ANKRD44: variants seen among roughly 807,000 people sequenced by gnomAD.
ANKRD44 encodes the protein serine/threonine-protein phosphatase 6 regulatory ankyrin repeat subunit B.
Under a neutral mutation model 116.0 loss-of-function variants are expected in ANKRD44, and 35 were observed. That is an observed-to-expected ratio of 0.30 (90% CI 0.23 to 0.40). The LOEUF (loss-of-function observed/expected upper bound fraction) is 0.40, where lower values mean the gene tolerates loss of function less well. ANKRD44 is among the 10% of genes least tolerant of loss of function. The probability of loss-of-function intolerance (pLI) is 1.00; values close to 1 mark genes in which losing one functional copy is unlikely to be tolerated. For synonymous variants in ANKRD44, 435 were observed against 461.8 expected, an observed-to-expected ratio of 0.94 and a Z score of 0.74; for missense variants, 1,014 against 1,242.6, an observed-to-expected ratio of 0.82 and a Z score of 2.77.
At chr2:197,246,350 C>CTTTGTT (rs2082190858) in intron 1 of ANKRD44, among the ~76,000 whole-genome samples, 2 of 65,876 alleles carry the variant, frequency 3.0e-5, no homozygotes, top group South Asian at 1.5e-3. Context: ...CTACATCTGG[C>CTTTGTT]TTTTTTTTTT....
intron 21 of ANKRD44, among the ~76,000 whole-genome samples, chr2:197,002,778 T>C (rs2076136344): frequency 6.6e-6 from 1 of 152,184 alleles, no homozygotes; most frequent in Admixed American, 6.5e-5. Flanking sequence ...TGGTTCTCAA[T>C]TCTAATGTGG....
intron 4 of ANKRD44, among the ~76,000 whole-genome samples, chr2:197,131,316 C>T (rs1189489832): frequency 3.3e-5 from 5 of 151,544 alleles, no homozygotes; most frequent in Non-Finnish European, 7.4e-5. Context: ...CTCAGCCTCC[C>T]GAGTAGCTGG....
chr2:197,278,423 C>G (rs1281047066), intron 1 of ANKRD44, among the ~76,000 whole-genome samples: 1 of 151,414 alleles, frequency 6.6e-6, no homozygotes, highest in Non-Finnish European at 1.5e-5. Context: ...GTGGTGTGAT[C>G]TCGGCTCACT....
intron 1 of ANKRD44, among the ~76,000 whole-genome samples, chr2:197,274,393 G>T (rs2083013382): frequency 6.6e-6 from 1 of 152,210 alleles, no homozygotes; most frequent in Non-Finnish European, 1.5e-5. Flanking sequence ...CAGCTGTGCA[G>T]AGTGTGGTCA....
chr2:197,278,516 C>T (rs529924989), intron 1 of ANKRD44, among the ~76,000 whole-genome samples: 21 of 152,168 alleles, frequency 1.4e-4, no homozygotes, highest in African/African-American at 5.1e-4. Flanking sequence ...ACCACCACGC[C>T]CGGTTAATTT....
intron 25 of ANKRD44, 95 bp downstream of exon 25, chr2:196,998,242 A>G: frequency 1.1e-6 from 1 of 893,378 alleles, no homozygotes; most frequent in Non-Finnish European, 1.7e-6. Context: ...CTTAATTAAG[A>G]GCCATGCTAC....
At chr2:197,122,055 T>C (rs1382345985) in intron 7 of ANKRD44, among the ~76,000 whole-genome samples, 2 of 152,144 alleles carry the variant, frequency 1.3e-5, no homozygotes, top group Admixed American at 6.5e-5. Context: ...TGCATTTTAG[T>C]AGCAGAGCAG....
intron 17 of ANKRD44, among the ~76,000 whole-genome samples, chr2:197,014,152 T>C (rs1027339584): frequency 1.3e-5 from 2 of 152,194 alleles, no homozygotes; most frequent in African/African-American, 4.8e-5. Context: ...ACTAAAAACA[T>C]TGTGGACTTT....
At chr2:197,014,083 G>A (rs2076345257) in intron 17 of ANKRD44, among the ~76,000 whole-genome samples, 1 of 152,050 alleles carries the variant, frequency 6.6e-6, no homozygotes, top group Non-Finnish European at 1.5e-5. Flanking sequence ...TAAACATATT[G>A]GCATAATCAG....
At chr2:196,985,316 G>A (rs1356632113), downstream of ANKRD44, among the ~76,000 whole-genome samples, 1 of 152,226 alleles carries the variant, frequency 6.6e-6, no homozygotes, top group African/African-American at 2.4e-5. Context: ...TGTGGGTTAG[G>A]AAACATTTGT....
chr2:197,029,153 T>C (rs933607269), intron 16 of ANKRD44: 31 of 187,346 alleles, frequency 1.7e-4, no homozygotes, highest in Middle Eastern at 2.0e-3. Flanking sequence ...CAACAGGCCC[T>C]GGTGTGTGAT....
At chr2:197,194,551 T>C (rs901289505) in intron 1 of ANKRD44, among the ~76,000 whole-genome samples, 6 of 152,208 alleles carry the variant, frequency 3.9e-5, no homozygotes, top group Admixed American at 2.6e-4. Flanking sequence ...TTCTCGCAGC[T>C]TGGTACTTTC....
In ANKRD44 at chr2:196,999,037, C is replaced by T. The variant is rs371300474; in HGVS notation, c.2535G>A (p.Ala845=). 19 of 1,613,784 alleles carry T rather than the reference C, an allele frequency of 1.2e-5. No homozygotes were observed. Among genetic ancestry groups the T allele is most frequent in the African/African-American group, 1.1e-4 (8 of 74,910 alleles). The change falls in exon 24 of 28, where the codon GCG becomes GCA. Residue 845 remains alanine (A), a synonymous_variant. Transcript: ENST00000282272. ...ACTCCACATGATCAGCAAATGCTGC[C>T]GCATGAAGGGGTGTCCTAAAGATTT... The part of the protein sequence containing the change: ...RDDKGRTPLH[A]AAFADHVECL...
chr2:197,018,295 C>A (rs990965408), intron 17 of ANKRD44, among the ~76,000 whole-genome samples: 2 of 152,134 alleles, frequency 1.3e-5, no homozygotes, highest in African/African-American at 4.8e-5. Flanking sequence ...ACCAATCAGG[C>A]CCCCAGAATC....
intron 23 of ANKRD44, among the ~76,000 whole-genome samples, chr2:196,999,282 A>G (rs1469215828): frequency 6.6e-6 from 1 of 152,182 alleles, no homozygotes; most frequent in East Asian, 1.9e-4. Flanking sequence ...TGGCCCTGAT[A>G]ATGAAATTAG....
At position 197,273,998 on chromosome 2, in the gene ANKRD44, T is replaced by TCTATATAG. The variant is rs1559208525; in HGVS notation, c.27+36579_27+36580insCTATATAG. On this transcript the variant is annotated intron_variant, in intron 1 of 27. Coordinates refer to ENST00000282272, the MANE Select transcript of ANKRD44 (RefSeq NM_001195144.2). Reference sequence around the variant, plus strand: ...AAAAAAAAATATATATATATATATATATATATATATATATATATATATATA... The same window carrying TCTATATAG: ...AAAAAAAAATATATATATATATATATCTATATAGATATATATATATATATATATATATA... Among the ~76,000 whole-genome samples the TCTATATAG allele has an allele frequency of 2.9e-4, 7 of 24,278 alleles. 1 individual carries two copies. Among genetic ancestry groups the TCTATATAG allele is most frequent in the African/African-American group, 1.2e-3 (7 of 5,784 alleles). The allele number at this position is 24,278 out of a possible 152,430, so 15.9% of individuals were successfully genotyped here.
At chr2:197,231,707 A>G (rs2081868293) in intron 1 of ANKRD44, among the ~76,000 whole-genome samples, 1 of 151,894 alleles carries the variant, frequency 6.6e-6, no homozygotes, top group South Asian at 2.1e-4. Flanking sequence ...CCCCCACAGC[A>G]AAGAATTATC....
At chr2:197,263,583 C>A in intron 1 of ANKRD44, 2 of 243,210 alleles carry the variant, frequency 8.2e-6, no homozygotes. Context: ...GTCTTGTCAG[C>A]CCTGTATGTT....
At chr2:197,202,407 A>G (rs1020015791) in intron 1 of ANKRD44, among the ~76,000 whole-genome samples, 16 of 151,974 alleles carry the variant, frequency 1.1e-4, no homozygotes, top group Non-Finnish European at 2.1e-4. Context: ...TCAGATGGAA[A>G]AAAAAAAAAC....
Sources: allele counts gnomAD v4.1 joint callset (sites outside exome capture counted in the v4.1 genomes callset), GRCh38; gene constraint gnomAD v4.1.1; transcripts MANE v1.5; gene names NCBI Gene and HGNC (gene_info 2026-07-23, HGNC 2026-07-21).